MYO15A: variants seen among roughly 807,000 people sequenced by gnomAD.
MYO15A encodes the protein unconventional myosin-XV.
MYO15A carries 308 observed loss-of-function variants against 394.6 expected under a neutral mutation model. The observed-to-expected ratio is 0.78, with a 90% CI of 0.71 to 0.86. MYO15A has a LOEUF of 0.86. MYO15A is among the 40% of genes least tolerant of loss of function. The probability of loss-of-function intolerance (pLI) is 0.00; values close to 1 mark genes in which losing one functional copy is unlikely to be tolerated. For missense variants in MYO15A, 4,606 were observed against 4,799.1 expected (o/e 0.96, Z 1.19); for synonymous variants, 1,957 against 2,003.8 (o/e 0.98, Z 0.62).
chr17:18,121,475 A>C lies in MYO15A; in HGVS notation c.2675A>C (p.His892Pro). 2 of 1,550,088 alleles carry C rather than the reference A, an allele frequency of 1.3e-6. No individual in the cohort carries two copies. The highest frequency in any genetic ancestry group is 1.7e-6 in the Non-Finnish European group (2 of 1,147,290). The stretch of plus-strand genomic sequence containing the variant: ...AAGCCGCAAGTGCGCCTGCCCTTCC[A>C]CCGACCGCCCAGGGCCGGGGCCTGG... ...AVKPQVRLPFHRPPRAGAWRA... is the reference protein window; with the variant it reads ...AVKPQVRLPFPRPPRAGAWRA... The change falls in exon 2 of 66, where the codon CAC (histidine) becomes CCC (proline). Residue 892 changes from histidine to proline, a missense_variant. Physicochemically the swap from His to Pro is moderately conservative, Grantham distance 77 (BLOSUM62 -2). Coordinates refer to ENST00000647165, the MANE Select transcript of MYO15A (RefSeq NM_016239.4). This position sits in a 1 kb window ranked among gnomAD's most constrained non-coding sequence, Gnocchi z 5.3.
At chr17:18,174,870 A>G (rs2046992453) in intron 65 of MYO15A, among the ~76,000 whole-genome samples, 1 of 152,050 alleles carries the variant, frequency 6.6e-6, no homozygotes, top group Non-Finnish European at 1.5e-5. Context: ...AGAGAGAGAG[A>G]CTTCCACTGT....
intron 18 of MYO15A, chr17:18,139,167 G>A (rs1567642023): frequency 1.1e-5 from 7 of 655,076 alleles, no homozygotes; most frequent in South Asian, 3.6e-5. Context: ...TGTGAAAAAT[G>A]TAGGGTGGGT....
intron 43 of MYO15A, 29 bp from the exon 44 acceptor site, chr17:18,154,102 C>CAGT: frequency 1.9e-6 from 3 of 1,613,430 alleles, no homozygotes; most frequent in Non-Finnish European, 2.5e-6. Context: ...GGCAGTCGGA[C>CAGT]AGTACCCACT....
At chr17:18,156,483 C>T (rs1343440325) in intron 48 of MYO15A, 147 bp downstream of exon 48, 3 of 985,796 alleles carry the variant, frequency 3.0e-6, no homozygotes, top group African/African-American at 1.6e-5. Context: ...TTGGAATACC[C>T]TTTCTCCCTT....
At chr17:18,130,873 T>C in intron 8 of MYO15A, 63 bp downstream of exon 8, 3 of 1,519,006 alleles carry the variant, frequency 2.0e-6, no homozygotes, top group South Asian at 1.1e-5. Context: ...TGTGTGTGTC[T>C]GTCCAGGAAA....
intron 7 of MYO15A, 140 bp from the exon 8 acceptor site, chr17:18,130,665 C>G: frequency 6.9e-7 from 1 of 1,446,400 alleles, no homozygotes; most frequent in South Asian, 1.3e-5. Flanking sequence ...CCCCTGGGGT[C>G]TCTGAGCCTC....
intron 55 of MYO15A, 27 bp from the exon 56 acceptor site, chr17:18,159,908 G>A: frequency 6.2e-7 from 1 of 1,612,322 alleles, no homozygotes; most frequent in Non-Finnish European, 8.5e-7. Context: ...CATGTCTTTG[G>A]TGTGTAACCT....
At chr17:18,168,576 AAAAAG>A (rs200683204) in intron 62 of MYO15A, among the ~76,000 whole-genome samples, 52,048 of 149,628 alleles carry the variant, frequency 0.35, 9,464 homozygotes, top group Non-Finnish European at 0.41. Flanking sequence ...TCAAAAAAAA[AAAAAG>A]AAAGAAAAGA....
chr17:18,115,483 C>T (rs530651631), intron 1 of MYO15A, among the ~76,000 whole-genome samples: 6 of 152,146 alleles, frequency 3.9e-5, no homozygotes, highest in South Asian at 4.2e-4. Flanking sequence ...CTGGGCGTGG[C>T]GGTGTGTGTC....
rs766660598 is a variant in MYO15A, at chr17:18,141,014, T to A, written c.5407-5T>A. The stretch of plus-strand genomic sequence containing the variant: ...TGCAGACTCCCTCTCTGGGCATCCC[T>A]ACAGGAGCCAGGTCTCTTTGAGCCA... On this transcript the variant is annotated splice_region_variant and splice_polypyrimidine_tract_variant and intron_variant, in intron 21 of 65. Transcript: ENST00000647165. 1 of 1,613,870 alleles carries A rather than the reference T, an allele frequency of 6.2e-7. No homozygotes were observed. The highest frequency in any genetic ancestry group is 1.1e-5 in the South Asian group (1 of 91,068).
At chr17:18,138,773 G>A (rs759913590) in intron 17 of MYO15A, 38 bp from the exon 18 acceptor site, 4 of 1,610,892 alleles carry the variant, frequency 2.5e-6, no homozygotes, top group Non-Finnish European at 3.4e-6. Context: ...GGGTGTCCAG[G>A]CCTCCTGCCC....
Position 18,144,376 on chromosome 17 carries a change from T to C in MYO15A, c.6178-121T>C. Reference sequence around the variant, plus strand: ...TCACCAGCCTCAGTTTCCCCATCCATACACTGAGGACCAAAGCCCCTGCCT... The same window carrying C: ...TCACCAGCCTCAGTTTCCCCATCCACACACTGAGGACCAAAGCCCCTGCCT... On this transcript the variant is annotated intron_variant, in intron 28 of 65. Coordinates refer to ENST00000647165, the MANE Select transcript of MYO15A (RefSeq NM_016239.4). The C allele has an allele frequency of 5.3e-6, 5 of 946,936 alleles. No homozygotes were observed. In the South Asian group the frequency reaches 6.6e-5, roughly 12 times the overall value. 58.7% of individuals were successfully genotyped at this position (946,936 alleles called of 1,614,324 possible).
intron 1 of MYO15A, among the ~76,000 whole-genome samples, chr17:18,114,947 A>G (rs1429260461): frequency 6.6e-6 from 1 of 152,044 alleles, no homozygotes; most frequent in Non-Finnish European, 1.5e-5. Context: ...ATGACTCCCT[A>G]ACTGATGTCA....
chr17:18,154,828 G>T (rs886861550), intron 45 of MYO15A, 73 bp downstream of exon 45: 11 of 1,507,588 alleles, frequency 7.3e-6, no homozygotes, highest in Non-Finnish European at 1.0e-5. Context: ...CCCAGAGGGA[G>T]ACTGAGGCTG....
chr17:18,156,894 T>C, intron 48 of MYO15A, 60 bp from the exon 49 acceptor site: 1 of 1,458,206 alleles, frequency 6.9e-7, no homozygotes, highest in Non-Finnish European at 9.6e-7. Flanking sequence ...GGGGTGGCCC[T>C]AGGCCTCTGG....
Position 18,122,073 on chromosome 17 carries a change from G to C in MYO15A, c.3273G>C (p.Leu1091Phe). The change falls in exon 2 of 66, where the codon TTG (leucine) becomes TTC (phenylalanine). Residue 1091 changes from leucine (L) to phenylalanine (F), a missense_variant. By Grantham distance (22) the Leu-to-Phe change is conservative. Transcript: ENST00000647165. The part of the protein sequence containing the change: ...WGTLPQAAAP[L>F]APIRAPEPLP... Reference sequence around the variant, plus strand: ...CACTGCCCCAAGCCGCAGCCCCCTTGGCGCCCATCAGGGCCCCAGAGCCCC... The same window carrying C: ...CACTGCCCCAAGCCGCAGCCCCCTTCGCGCCCATCAGGGCCCCAGAGCCCC... 6.2e-7 allele frequency: 1 copy of C among 1,612,872 alleles called. No individual in the cohort carries two copies. The highest frequency in any genetic ancestry group is 8.5e-7 in the Non-Finnish European group (1 of 1,179,972).
chr17:18,121,550 A>T lies in MYO15A; in HGVS notation c.2750A>T (p.Glu917Val). 6.3e-7 allele frequency: 1 copy of T among 1,584,090 alleles called. No homozygotes were observed. Among genetic ancestry groups the T allele is most frequent in the Non-Finnish European group, 8.6e-7 (1 of 1,166,000 alleles). ...RESPREPEDS[E>V]TPWTVPPLAP... is the part of the protein sequence containing the mutation. ...AGCCCGCGAGAACCCGAGGACTCAGAGACGCCCTGGACTGTGCCCCCACTG... is the reference window on the plus strand; with the variant it reads ...AGCCCGCGAGAACCCGAGGACTCAGTGACGCCCTGGACTGTGCCCCCACTG... The change falls in exon 2 of 66, where the codon GAG (glutamate) becomes GTG (valine). Residue 917 changes from glutamate to valine, a missense_variant. This residue lies in a region of MYO15A where 1,830 missense variants were observed against 1,689.7 expected (regional missense o/e 1.08). Transcript: ENST00000647165. The surrounding 1 kb of genome is among the most constrained non-coding windows in gnomAD (Gnocchi z 5.3).
intron 19 of MYO15A, 87 bp from the exon 20 acceptor site, chr17:18,140,430 C>T (rs190246570): frequency 3.3e-5 from 52 of 1,574,888 alleles, no homozygotes; most frequent in East Asian, 6.7e-5. Context: ...CCCCCTGGTC[C>T]GGAGATTTAC....
At chr17:18,164,026 C>T (rs1214131378) in intron 60 of MYO15A, 188 bp downstream of exon 60, 6 of 655,826 alleles carry the variant, frequency 9.1e-6, no homozygotes, top group Admixed American at 4.4e-5. Flanking sequence ...TCCCTTTCTG[C>T]TTTGCTTAGT....
Sources: allele counts gnomAD v4.1 joint callset (sites outside exome capture counted in the v4.1 genomes callset), GRCh38; gene constraint gnomAD v4.1.1; regional missense constraint gnomAD v4.1.1; non-coding constraint Gnocchi (gnomAD v3.1); transcripts MANE v1.5; gene names NCBI Gene and HGNC (gene_info 2026-07-23, HGNC 2026-07-21).